CMIP: variants seen among roughly 807,000 people sequenced by gnomAD.
CMIP encodes the protein C-Maf-inducing protein.
A neutral mutation model predicts 97.3 loss-of-function variants in CMIP; 13 were observed. That is an observed-to-expected ratio of 0.13 (90% CI 0.09 to 0.21). CMIP has a LOEUF of 0.21. CMIP is among the 10% of genes least tolerant of loss of function. CMIP has a pLI of 1.00. For missense variants in CMIP, 847 were observed against 1,024.9 expected (o/e 0.83, Z 2.37); for synonymous variants, 538 against 436.3 (o/e 1.23, Z -2.91).
intron 1 of CMIP, among the ~76,000 whole-genome samples, chr16:81,476,758 C>T (rs983027416): frequency 1.3e-5 from 2 of 152,174 alleles, no homozygotes; most frequent in African/African-American, 2.4e-5. Flanking sequence ...GTAAACAATG[C>T]CACAGTGAAC....
intron 1 of CMIP, among the ~76,000 whole-genome samples, chr16:81,451,888 G>T (rs1258825887): frequency 6.6e-6 from 1 of 152,216 alleles, no homozygotes; most frequent in Non-Finnish European, 1.5e-5. Flanking sequence ...TCTCTTCCTT[G>T]CTCCTGGCTC....
At chr16:81,604,587 G>A (rs556039083) in intron 1 of CMIP, among the ~76,000 whole-genome samples, 87 of 152,172 alleles carry the variant, frequency 5.7e-4, no homozygotes, top group African/African-American at 1.9e-3. Context: ...TGTAATCTCA[G>A]CTTCTCGGGA....
chr16:81,581,430 A>G (rs1295605612), intron 1 of CMIP, among the ~76,000 whole-genome samples: 2 of 152,146 alleles, frequency 1.3e-5, no homozygotes, highest in Non-Finnish European at 2.9e-5. Context: ...ACAACAGGTT[A>G]CTCTACTGAA....
At chr16:81,475,178 C>G (rs1006356286) in intron 1 of CMIP, among the ~76,000 whole-genome samples, 3 of 152,168 alleles carry the variant, frequency 2.0e-5, no homozygotes, top group Admixed American at 6.5e-5. Flanking sequence ...CTCTTTCTCT[C>G]TCTGTCTCTT....
In CMIP at chr16:81,453,867, G is replaced by T. The variant is rs1233114476; in HGVS notation, c.300+8326G>T. ...GTTTGTAGATCTGGCCGCTTGGTTG[G>T]CTAGAACTCAGACACACGGCCACAC... On this transcript the variant is annotated intron_variant, in intron 1 of 20. Transcript: ENST00000537098. The surrounding 1 kb of genome is among the most constrained non-coding windows in gnomAD (Gnocchi z 4.0). Among the ~76,000 whole-genome samples the T allele has an allele frequency of 6.6e-6, 1 of 152,112 alleles. No individual in the cohort carries two copies.
Position 81,696,541 on chromosome 16 carries a change from G to A in CMIP, c.1531-19G>A. 6.3e-7 allele frequency: 1 copy of A among 1,599,256 alleles called. No individual in the cohort carries two copies. The highest frequency in any genetic ancestry group is 8.5e-7 in the Non-Finnish European group (1 of 1,178,290). Reference sequence around the variant, plus strand: ...GGGGCTGCATGCAGCTCACACTTGTGTCTTCCCTTGTCTGGCAGGTCCACT... The same window carrying A: ...GGGGCTGCATGCAGCTCACACTTGTATCTTCCCTTGTCTGGCAGGTCCACT... On this transcript the variant is annotated intron_variant, in intron 13 of 20. Transcript: ENST00000537098.
intron 1 of CMIP, among the ~76,000 whole-genome samples, chr16:81,514,617 G>C (rs994997529): frequency 2.6e-5 from 4 of 152,342 alleles, no homozygotes; most frequent in African/African-American, 9.6e-5. Flanking sequence ...GGTAGATCTA[G>C]TGTTGCGGTC....
intron 1 of CMIP, among the ~76,000 whole-genome samples, chr16:81,508,346 A>T (rs1057026181): frequency 6.6e-6 from 1 of 152,296 alleles, no homozygotes; most frequent in Admixed American, 6.5e-5. Context: ...AAATACGTAC[A>T]AATTTGGTTT....
chr16:81,528,536 G>A (rs2090174683), intron 1 of CMIP, among the ~76,000 whole-genome samples: 1 of 152,224 alleles, frequency 6.6e-6, no homozygotes, highest in Non-Finnish European at 1.5e-5. Context: ...GTCCCAGAGA[G>A]ATGTACTTTT....
At chr16:81,484,507 C>G (rs1452001395) in intron 1 of CMIP, among the ~76,000 whole-genome samples, 1 of 152,180 alleles carries the variant, frequency 6.6e-6, no homozygotes, top group Non-Finnish European at 1.5e-5. Context: ...GGCTGCAAAA[C>G]CAACCTCCCC....
chr16:81,566,791 A>G (rs961463179), intron 1 of CMIP, among the ~76,000 whole-genome samples: 2 of 152,248 alleles, frequency 1.3e-5, no homozygotes, highest in South Asian at 2.1e-4. Context: ...CAATTGTGGC[A>G]TAGTTATACA....
chr16:81,642,896 G>A (rs1035439982), intron 3 of CMIP, among the ~76,000 whole-genome samples: 2 of 149,092 alleles, frequency 1.3e-5, no homozygotes, highest in Admixed American at 6.9e-5. Flanking sequence ...ACTCCATCTC[G>A]CAAAAAAAAG....
intron 13 of CMIP, among the ~76,000 whole-genome samples, chr16:81,694,005 G>T (rs992373777): frequency 2.6e-5 from 4 of 152,206 alleles, no homozygotes; most frequent in Non-Finnish European, 4.4e-5. Context: ...ACCTAGGCAG[G>T]CAAGGAAGCC....
intron 10 of CMIP, among the ~76,000 whole-genome samples, chr16:81,686,455 C>T (rs139932420): frequency 6.6e-6 from 1 of 152,206 alleles, no homozygotes; most frequent in African/African-American, 2.4e-5. Flanking sequence ...TCATCTGCCT[C>T]CCAGGCGTGG....
chr16:81,615,004 A>G (rs538106206), intron 2 of CMIP, among the ~76,000 whole-genome samples: 1 of 124,174 alleles, frequency 8.1e-6, no homozygotes, highest in Non-Finnish European at 1.7e-5. Context: ...ATGTGTCTAT[A>G]TGTGATGTCT....
intron 12 of CMIP, 117 bp from the exon 13 acceptor site, chr16:81,693,319 GATC>G (rs1906321395): frequency 7.0e-7 from 1 of 1,434,336 alleles, no homozygotes; most frequent in South Asian, 1.2e-5. Flanking sequence ...ACGTGTCCCT[GATC>G]CACCGCCTTG....
chr16:81,464,298 G>C (rs1907070259), intron 1 of CMIP: 2 of 152,248 alleles, frequency 1.3e-5, no homozygotes, highest in Admixed American at 1.3e-4. Context: ...ACTGAAGAGA[G>C]GAAAGATGAC....
At chr16:81,477,773 C>T (rs762885834) in intron 1 of CMIP, among the ~76,000 whole-genome samples, 12 of 152,226 alleles carry the variant, frequency 7.9e-5, no homozygotes, top group African/African-American at 1.2e-4. Flanking sequence ...GCTGCTCCTC[C>T]GTTCTTAGCA....
intron 1 of CMIP, among the ~76,000 whole-genome samples, chr16:81,469,027 A>T (rs1382049025): frequency 1.3e-5 from 2 of 152,186 alleles, no homozygotes; most frequent in East Asian, 3.9e-4. Flanking sequence ...CTTTGAGAGG[A>T]CCTAATTCTT....
Sources: allele counts gnomAD v4.1 joint callset (sites outside exome capture counted in the v4.1 genomes callset), GRCh38; gene constraint gnomAD v4.1.1; non-coding constraint Gnocchi (gnomAD v3.1); transcripts MANE v1.5; gene names NCBI Gene and HGNC (gene_info 2026-07-23, HGNC 2026-07-21).